Variants in PLXNA2 observed in about 807,000 individuals in gnomAD.
The protein encoded by PLXNA2 is plexin A2, also known as plexin-A2.
A neutral mutation model predicts 193.5 loss-of-function variants in PLXNA2; 91 were observed. The ratio of observed to expected loss-of-function variants is 0.47; its 90% CI spans 0.40 to 0.56. The LOEUF (loss-of-function observed/expected upper bound fraction) is 0.56, where lower values mean the gene tolerates loss of function less well. PLXNA2 is among the 20% of genes least tolerant of loss of function. The pLI, the probability that PLXNA2 is intolerant of heterozygous loss-of-function variation, is 0.00. For synonymous variants in PLXNA2, 997 were observed against 1,027.3 expected (o/e 0.97, Z 0.56); for missense variants, 1,995 against 2,503.2 (o/e 0.80, Z 4.33).
intron 3 of PLXNA2, among the ~76,000 whole-genome samples, chr1:208,149,428 T>A (rs953077396): frequency 3.3e-5 from 5 of 152,082 alleles, no homozygotes; most frequent in African/African-American, 9.6e-5. Flanking sequence ...ATATGTGTTG[T>A]GAGTGTGTAT....
At chr1:208,241,791 A>AGCT (rs1269328936) in intron 1 of PLXNA2, among the ~76,000 whole-genome samples, 1 of 152,162 alleles carries the variant, frequency 6.6e-6, no homozygotes, top group African/African-American at 2.4e-5. Context: ...GGAGGGAAAT[A>AGCT]GCTCCTTTAG....
rs371608661 is a variant in PLXNA2 at position 208,033,457 on chromosome 1, C to T, written c.4917G>A (p.Pro1639=). The change falls in exon 28 of 32, where the codon CCG becomes CCA. Residue 1639 remains proline (P), a synonymous_variant. Coordinates refer to ENST00000367033, the MANE Select transcript of PLXNA2 (RefSeq NM_025179.4). ...GSPDSLRSRA[P]MITPDLESGV... ...CACTTTCCAGGTCTGGGGTGATCAT[C>T]GGGGCCCGGGACCGCAGGCTGTCGG... The T allele has an allele frequency of 4.3e-5, 70 of 1,613,222 alleles. No homozygotes were observed. Among genetic ancestry groups the T allele is most frequent in the African/African-American group, 2.7e-4 (20 of 74,892 alleles).
intron 3 of PLXNA2, among the ~76,000 whole-genome samples, chr1:208,149,580 G>C (rs1668694689): frequency 6.6e-6 from 1 of 151,802 alleles, no homozygotes; most frequent in South Asian, 2.1e-4. Flanking sequence ...TGTGGTGTGT[G>C]TATATTGTGT....
chr1:208,170,177 T>C (rs906619709), intron 3 of PLXNA2, among the ~76,000 whole-genome samples: 1 of 152,240 alleles, frequency 6.6e-6, no homozygotes, highest in Non-Finnish European at 1.5e-5. Context: ...ATGATTTTCT[T>C]TCCGCTAATA....
At chr1:208,215,740 A>G (rs571952781) in intron 2 of PLXNA2, among the ~76,000 whole-genome samples, 1 of 152,150 alleles carries the variant, frequency 6.6e-6, no homozygotes, top group South Asian at 2.1e-4. Flanking sequence ...GGGATGGATG[A>G]AAGGAGAGAT....
In PLXNA2 at chr1:208,029,967, C is replaced by T. The variant is rs1330949853; in HGVS notation, c.5226-925G>A. The stretch of plus-strand genomic sequence containing the variant: ...TTGTCCTCCAGCCTGAGATGATGTT[C>T]CCAGCTCCCCAGCTTCTTCTTCTCT... On this transcript the variant is annotated intron_variant, in intron 29 of 31. Transcript: ENST00000367033. 2.1e-5 allele frequency: 21 copies of T among 985,380 alleles called. No individual in the cohort carries two copies. The South Asian group carries it at 8.9e-4, about 42-fold the overall frequency. The allele number at this position is 985,380 out of a possible 1,614,324, so 61.0% of individuals were successfully genotyped here.
chr1:208,099,823 T>G (rs1263847635), intron 5 of PLXNA2, among the ~76,000 whole-genome samples: 2 of 151,862 alleles, frequency 1.3e-5, no homozygotes, highest in Non-Finnish European at 2.9e-5. Context: ...CCTGCGTCAG[T>G]CTCCCAAAGT....
At chr1:208,091,233 A>G (rs1284659707) in intron 9 of PLXNA2, among the ~76,000 whole-genome samples, 1 of 152,134 alleles carries the variant, frequency 6.6e-6, no homozygotes, top group Non-Finnish European at 1.5e-5. Flanking sequence ...GGCAAATTCC[A>G]TTTTTCTGAC....
chr1:208,233,031 C>G (rs914321249), intron 1 of PLXNA2, among the ~76,000 whole-genome samples: 4 of 152,202 alleles, frequency 2.6e-5, no homozygotes, highest in Non-Finnish European at 1.5e-5. Flanking sequence ...TGGCCATCTT[C>G]TAGCCTCTGC....
intron 3 of PLXNA2, among the ~76,000 whole-genome samples, chr1:208,176,815 T>G (rs1372722501): frequency 6.6e-6 from 1 of 152,222 alleles, no homozygotes; most frequent in Non-Finnish European, 1.5e-5. Flanking sequence ...GCACTGACAG[T>G]GTAGCCCTAG....
At position 208,034,485 on chromosome 1, in the gene PLXNA2, G is replaced by A; in HGVS notation, c.4864+8C>T. On this transcript the variant is annotated splice_region_variant and intron_variant, in intron 27 of 31. Transcript: ENST00000367033. ...CTGAGCTGCCCAGTCTGCCCTCGTG[G>A]TTCTCACCGTATCTGCTGATGGACG... 6.3e-7 allele frequency: 1 copy of A among 1,590,858 alleles called. No individual in the cohort carries two copies. Among genetic ancestry groups the A allele is most frequent in the Non-Finnish European group, 8.6e-7 (1 of 1,158,664 alleles).
In PLXNA2 at chr1:208,103,389, T is replaced by G. The variant is rs554648164; in HGVS notation, c.1507-142A>C. ...ACTGGGCGGCAAGTCATGGCCTCAA[T>G]GTCCCCAATCTCTTTACCTGCATAA... On this transcript the variant is annotated intron_variant, in intron 4 of 31. Coordinates refer to ENST00000367033, the MANE Select transcript of PLXNA2 (RefSeq NM_025179.4). 24 of 621,224 alleles carry G rather than the reference T, an allele frequency of 3.9e-5. No individual in the cohort carries two copies. The East Asian group carries it at 5.7e-4, about 15-fold the overall frequency. 38.5% of individuals were successfully genotyped at this position (621,224 alleles called of 1,614,324 possible).
intron 27 of PLXNA2, among the ~76,000 whole-genome samples, chr1:208,034,047 G>A (rs939285795): frequency 6.6e-6 from 1 of 152,228 alleles, no homozygotes; most frequent in Non-Finnish European, 1.5e-5. Context: ...GGGACAAGGA[G>A]GTGCCATAAC....
rs370835386 is a variant in PLXNA2, at chr1:208,103,291, C to T, written c.1507-44G>A. 8.2e-5 allele frequency: 120 copies of T among 1,459,764 alleles called. 1 individual carries two copies. Among genetic ancestry groups the T allele is most frequent in the South Asian group, 7.6e-4 (63 of 83,118 alleles). The allele number at this position is 1,459,764 out of a possible 1,614,324, so 90.4% of individuals were successfully genotyped here. The stretch of plus-strand genomic sequence containing the variant: ...AGGGTACAGTGAGGTTAGGCTGTGA[C>T]GACTAGCAGGTGTGTGTCACACAGT... On this transcript the variant is annotated intron_variant, in intron 4 of 31. Transcript: ENST00000367033.
intron 12 of PLXNA2, among the ~76,000 whole-genome samples, chr1:208,069,422 C>T (rs559977156): frequency 1.1e-4 from 17 of 152,312 alleles, no homozygotes; most frequent in Non-Finnish European, 2.2e-4. Context: ...AAAGCAGCCG[C>T]GGTGATGCTG....
At chr1:208,076,373 G>T (rs1373473016) in intron 12 of PLXNA2, among the ~76,000 whole-genome samples, 1 of 152,102 alleles carries the variant, frequency 6.6e-6, no homozygotes, top group Non-Finnish European at 1.5e-5. Flanking sequence ...AGCCACTGCA[G>T]CTGTCCCCCC....
chr1:208,232,068 C>T (rs538470176), intron 1 of PLXNA2, among the ~76,000 whole-genome samples: 110 of 152,340 alleles, frequency 7.2e-4, no homozygotes, highest in African/African-American at 2.5e-3. Context: ...GGGCTGGGAG[C>T]TGCTGGCCAT....
chr1:208,123,428 A>G (rs1259641626), intron 4 of PLXNA2, among the ~76,000 whole-genome samples: 1 of 152,198 alleles, frequency 6.6e-6, no homozygotes, highest in South Asian at 2.1e-4. Flanking sequence ...CATTTTTACC[A>G]TCAGGGAAAC....
rs144942581 is a variant in PLXNA2, at chr1:208,060,357, C to T, written c.2738+329G>A. On this transcript the variant is annotated intron_variant, in intron 13 of 31. Transcript: ENST00000367033. The stretch of plus-strand genomic sequence containing the variant: ...TGCAGCCCACCATACAGGATGCATT[C>T]CAATGGGGGCTGACAGGGGAAGGGC... Among the ~76,000 whole-genome samples the T allele has an allele frequency of 1.0e-3, 156 of 152,322 alleles. 1 individual carries two copies. Among genetic ancestry groups the T allele is most frequent in the African/African-American group, 3.6e-3 (149 of 41,564 alleles).
Sources: allele counts gnomAD v4.1 joint callset (sites outside exome capture counted in the v4.1 genomes callset), GRCh38; gene constraint gnomAD v4.1.1; transcripts MANE v1.5; gene names NCBI Gene and HGNC (gene_info 2026-07-23, HGNC 2026-07-21).